The following MCMBP variants were observed in gnomAD, a reference collection of about 807,000 sequenced individuals.
MCMBP encodes the protein minichromosome maintenance complex binding protein.
In MCMBP, 31 loss-of-function variants were observed where a neutral mutation model predicts 81.3. That is an observed-to-expected ratio of 0.38 (90% CI 0.29 to 0.51). The LOEUF (loss-of-function observed/expected upper bound fraction) is 0.51, where lower values mean the gene tolerates loss of function less well. MCMBP is among the 20% of genes least tolerant of loss of function. The pLI is 0.87. For missense variants in MCMBP, 645 were observed against 772.1 expected (o/e 0.84, Z 1.95); for synonymous variants, 267 against 275.9 (o/e 0.97, Z 0.32).
chr10:119,831,514 C>T lies in MCMBP; in HGVS notation c.1883G>A (p.Arg628Lys), dbSNP rs1399172523. 6.2e-7 allele frequency: 1 copy of T among 1,613,888 alleles called. No individual in the cohort carries two copies. The highest frequency in any genetic ancestry group is 8.5e-7 in the Non-Finnish European group (1 of 1,179,946). The part of the protein sequence containing the change: ...AKQLESLRRT[R>K]LQQQKCVNGN... ...ATTCACACATTTTTGCTGCTGAAGC[C>T]TCGTTCTTCTTAAAGACTCTAGCTG... is the stretch of plus-strand genomic sequence containing the variant. The change falls in exon 16 of 16, where the codon AGG becomes AAG. Residue 628 changes from arginine (R) to lysine (K), a missense_variant. Coordinates refer to ENST00000369077, the MANE Select transcript of MCMBP (RefSeq NM_001256378.2).
intron 14 of MCMBP, among the ~76,000 whole-genome samples, chr10:119,833,340 T>G (rs1852114307): frequency 6.6e-6 from 1 of 152,032 alleles, no homozygotes; most frequent in Non-Finnish European, 1.5e-5. Flanking sequence ...CCATATTATA[T>G]AATTTAAAAT....
intron 5 of MCMBP, among the ~76,000 whole-genome samples, chr10:119,853,777 A>G (rs559050267): frequency 6.6e-5 from 10 of 152,308 alleles, no homozygotes; most frequent in Admixed American, 6.5e-4. Flanking sequence ...TTAAATGGAG[A>G]CTCTGGAAGT....
intron 11 of MCMBP, 139 bp downstream of exon 11, chr10:119,840,704 T>G (rs746251833): frequency 2.0e-6 from 1 of 510,886 alleles, no homozygotes; most frequent in Non-Finnish European, 3.3e-6. Flanking sequence ...TTTTAAATTA[T>G]GTAATTTGGC....
At chr10:119,854,045 C>CTT (rs111657130) in intron 5 of MCMBP, among the ~76,000 whole-genome samples, 6 of 140,018 alleles carry the variant, frequency 4.3e-5, no homozygotes, top group South Asian at 2.2e-4. Flanking sequence ...TTTTCCTTTT[C>CTT]TTTTTTTTTT....
At position 119,836,907 on chromosome 10, in the gene MCMBP, A is replaced by ACCT. The variant is rs1438034779; in HGVS notation, c.1528_1530dup (p.Arg510dup). 10 of 1,609,138 alleles carry ACCT rather than the reference A, an allele frequency of 6.2e-6. No individual in the cohort carries two copies. Among genetic ancestry groups the ACCT allele is most frequent in the Non-Finnish European group, 8.5e-6 (10 of 1,177,734 alleles). On this transcript the variant is annotated inframe_insertion, in exon 13 of 16. Coordinates refer to ENST00000369077, the MANE Select transcript of MCMBP (RefSeq NM_001256378.2). ...ATGACTCATCATACCGGGAGGAGTG[A>ACCT]CCTCCCCTCCGAAGTAATGAAAACG...
Position 119,847,599 on chromosome 10 carries a change from GCA to G in MCMBP, c.827+12_827+13del, listed in dbSNP as rs755896736. 31 of 1,506,040 alleles carry G rather than the reference GCA, an allele frequency of 2.1e-5. 1 individual carries two copies. In the South Asian group the frequency reaches 3.1e-4, roughly 15 times the overall value. 93.3% of individuals were successfully genotyped at this position (1,506,040 alleles called of 1,614,324 possible). On this transcript the variant is annotated intron_variant, in intron 8 of 15. Coordinates refer to ENST00000369077, the MANE Select transcript of MCMBP (RefSeq NM_001256378.2). Reference sequence around the variant, plus strand: ...AAAAATAAAGGAGACCAAAAAAAGAGCACACAGACTCACCTTTCATCATTATT... The same window carrying G: ...AAAAATAAAGGAGACCAAAAAAAGAGCACAGACTCACCTTTCATCATTATT...
At position 119,858,868 on chromosome 10, in the gene MCMBP, T is replaced by C; in HGVS notation, c.327+16A>G. On this transcript the variant is annotated intron_variant, in intron 4 of 15. Coordinates refer to ENST00000369077, the MANE Select transcript of MCMBP (RefSeq NM_001256378.2). ...ATTCTTACTAAAAATGTTTCATATATATTAAAGATACATACCCCACACTCT... is the reference window on the plus strand; with the variant it reads ...ATTCTTACTAAAAATGTTTCATATACATTAAAGATACATACCCCACACTCT... 4 of 1,568,582 alleles carry C rather than the reference T, an allele frequency of 2.6e-6. No individual in the cohort carries two copies. The highest frequency in any genetic ancestry group is 3.6e-4 in the Middle Eastern group (2 of 5,510).
chr10:119,872,709 C>T lies in MCMBP; in HGVS notation c.-125G>A, dbSNP rs1853738320. On this transcript the variant is annotated 5_prime_UTR_variant, in exon 1 of 16. Transcript: ENST00000369077. ...GCTCCTCGCCCGCGTTCGCTCGCGC[C>T]CTCCCACGCACAGCGAGCCGCGGGG... 2 of 349,266 alleles carry T rather than the reference C, an allele frequency of 5.7e-6. No individual in the cohort carries two copies. Among genetic ancestry groups the T allele is most frequent in the Non-Finnish European group, 8.6e-6 (2 of 231,324 alleles). 21.6% of individuals were successfully genotyped at this position (349,266 alleles called of 1,614,324 possible).
rs377175417 is a variant in MCMBP, at chr10:119,836,902, G to A, written c.1536C>T (p.Leu512=). The change falls in exon 13 of 16, where the codon CTC becomes CTT. Residue 512 remains leucine, a synonymous_variant. Coordinates refer to ENST00000369077, the MANE Select transcript of MCMBP (RefSeq NM_001256378.2). ...TAAAAATGACTCATCATACCGGGAG[G>A]AGTGACCTCCCCTCCGAAGTAATGA... ...NVFITSEGRS[L]LPADCQIHLQ... is the part of the protein sequence containing the mutation. 29 of 1,609,380 alleles carry A rather than the reference G, an allele frequency of 1.8e-5. No individual in the cohort carries two copies. Among genetic ancestry groups the A allele is most frequent in the Non-Finnish European group, 2.5e-5 (29 of 1,177,768 alleles).
intron 8 of MCMBP, 25 bp from the exon 9 acceptor site, chr10:119,843,451 A>G: frequency 2.5e-6 from 4 of 1,601,510 alleles, no homozygotes; most frequent in Non-Finnish European, 2.6e-6. Flanking sequence ...TAAAGTTTCA[A>G]TTTAGAGAGA....
intron 1 of MCMBP, among the ~76,000 whole-genome samples, chr10:119,862,179 C>T (rs544517794): frequency 2.9e-4 from 44 of 152,154 alleles, no homozygotes; most frequent in African/African-American, 8.2e-4. Flanking sequence ...TGATGGTGTG[C>T]GCCTGTAATC....
At chr10:119,850,840 G>T (rs74230548) in intron 6 of MCMBP, among the ~76,000 whole-genome samples, 7,261 of 149,548 alleles carry the variant, frequency 0.049, 299 homozygotes, top group South Asian at 0.18. Flanking sequence ...TATTACCACT[G>T]GGGGAAGTAG....
chr10:119,864,112 CTTG>C (rs1221854154), intron 1 of MCMBP, among the ~76,000 whole-genome samples: 3 of 152,166 alleles, frequency 2.0e-5, no homozygotes, highest in Admixed American at 6.5e-5. Context: ...AACAACTCGA[CTTG>C]TTGTCTTTGA....
chr10:119,830,359 A>G lies in MCMBP; in HGVS notation c.*1115T>C, dbSNP rs1041295672. The G allele has an allele frequency of 6.6e-6, 1 of 152,272 alleles. No individual in the cohort carries two copies. The highest frequency in any genetic ancestry group is 2.4e-5 in the African/African-American group (1 of 41,458). The allele number at this position is 152,272 out of a possible 1,614,324, so 9.4% of individuals were successfully genotyped here. A position where few individuals can be genotyped will look rare whatever the true frequency, so the allele number is the denominator to read the frequency against. The stretch of plus-strand genomic sequence containing the variant: ...CTACAGTCTGTTGTTAGTTTGCTCT[A>G]TTAAAACTAATTGGTCTGGAGAAAA... On this transcript the variant is annotated 3_prime_UTR_variant, in exon 16 of 16. Coordinates refer to ENST00000369077, the MANE Select transcript of MCMBP (RefSeq NM_001256378.2).
intron 11 of MCMBP, 62 bp downstream of exon 11, chr10:119,840,781 G>T: frequency 1.1e-6 from 1 of 925,454 alleles, no homozygotes; most frequent in Non-Finnish European, 1.6e-6. Flanking sequence ...GTGAATGAAA[G>T]ACAGTTAGAT....
At chr10:119,840,291 A>G (rs190294179) in intron 11 of MCMBP, among the ~76,000 whole-genome samples, 1 of 152,286 alleles carries the variant, frequency 6.6e-6, no homozygotes, top group Admixed American at 6.5e-5. Context: ...TCGGTTCAAT[A>G]AAGATCTAGT....
At chr10:119,862,926 G>A (rs530974541) in intron 1 of MCMBP, among the ~76,000 whole-genome samples, 76 of 152,308 alleles carry the variant, frequency 5.0e-4, no homozygotes, top group African/African-American at 1.8e-3. Flanking sequence ...TTCTCAGGGG[G>A]ATATTTGCCA....
intron 5 of MCMBP, 60 bp from the exon 6 acceptor site, chr10:119,853,254 A>G (rs1852897388): frequency 6.5e-7 from 1 of 1,528,472 alleles, no homozygotes. Context: ...AAGTTTTGCT[A>G]ATTATATGAC....
chr10:119,837,962 A>G (rs1852303496), intron 12 of MCMBP, among the ~76,000 whole-genome samples: 1 of 152,114 alleles, frequency 6.6e-6, no homozygotes, highest in Non-Finnish European at 1.5e-5. Context: ...ACTTGAGCCC[A>G]GGAATTCAAG....
Sources: allele counts gnomAD v4.1 joint callset (sites outside exome capture counted in the v4.1 genomes callset), GRCh38; gene constraint gnomAD v4.1.1; transcripts MANE v1.5; gene names NCBI Gene and HGNC (gene_info 2026-07-23, HGNC 2026-07-21).